CYTH4: variants seen among roughly 807,000 people sequenced by gnomAD.
CYTH4 encodes the protein cytohesin 4.
CYTH4 carries 22 observed loss-of-function variants against 57.5 expected under a neutral mutation model. That is an observed-to-expected ratio of 0.38 (90% CI 0.27 to 0.55). The LOEUF is 0.55. Among genes scored for constraint, CYTH4 ranks in the 20% least tolerant of loss-of-function variants. CYTH4 has a pLI of 0.74. For missense variants in CYTH4, 420 were observed against 535.6 expected (o/e 0.78, Z 2.13); for synonymous variants, 186 against 206.5 (o/e 0.90, Z 0.85).
intron 1 of CYTH4, among the ~76,000 whole-genome samples, chr22:37,289,285 C>T (rs1227985927): frequency 1.3e-5 from 2 of 152,214 alleles, no homozygotes; most frequent in Non-Finnish European, 2.9e-5. Context: ...CACCACTGCC[C>T]ATGATGCATG....
intron 9 of CYTH4, chr22:37,310,035 G>C (rs1419685521): frequency 1.1e-5 from 5 of 468,326 alleles, no homozygotes; most frequent in South Asian, 7.8e-5. Flanking sequence ...CAGGGCAGGT[G>C]AGGACAGATG....
At chr22:37,292,822 A>C in intron 2 of CYTH4, 119 bp downstream of exon 2, 1 of 967,096 alleles carries the variant, frequency 1.0e-6, no homozygotes, top group Non-Finnish European at 1.5e-6. Context: ...TCTGGCTCAT[A>C]TCAGCCTCGG....
intron 2 of CYTH4, among the ~76,000 whole-genome samples, chr22:37,293,387 A>G (rs11913123): frequency 0.027 from 3,708 of 137,300 alleles, 156 homozygotes; most frequent in African/African-American, 0.087. Context: ...CAATTACCCT[A>G]TGACCACCCA....
Position 37,292,677 on chromosome 22 carries a change from C to G in CYTH4, c.76C>G (p.Arg26Gly). The G allele has an allele frequency of 6.2e-7, 1 of 1,613,764 alleles. No individual in the cohort carries two copies. Among genetic ancestry groups the G allele is most frequent in the Non-Finnish European group, 8.5e-7 (1 of 1,179,928 alleles). Residue 26 changes from arginine (R) to glycine (G), a missense_variant, in exon 2 of 13, where the codon CGA (arginine) becomes GGA (glycine). Coordinates refer to ENST00000248901, the MANE Select transcript of CYTH4 (RefSeq NM_013385.5). ...AGAGTTACAGAGGATCAAGTGGCACCGAAAGCAGCTCCTGGAGGACATCCA... is the reference window on the plus strand; with the variant it reads ...AGAGTTACAGAGGATCAAGTGGCACGGAAAGCAGCTCCTGGAGGACATCCA... ...TEELQRIKWH[R>G]KQLLEDIQKL...
rs1475372806 is a variant in CYTH4 at position 37,313,771 on chromosome 22, G to C, written c.*260G>C. The C allele has an allele frequency of 2.0e-6, 1 of 492,502 alleles. No homozygotes were observed. The highest frequency in any genetic ancestry group is 3.6e-6 in the Non-Finnish European group (1 of 275,002). 30.5% of individuals were successfully genotyped at this position (492,502 alleles called of 1,614,324 possible). ...CCCTGCCCTACGTGCACTACAGGAA[G>C]GGGTGAGGAGAGCAGCCAGAGGAAA... On this transcript the variant is annotated 3_prime_UTR_variant, in exon 13 of 13. Transcript: ENST00000248901.
At chr22:37,304,099 G>C in intron 8 of CYTH4, 1 of 447,674 alleles carries the variant, frequency 2.2e-6, no homozygotes, top group Non-Finnish European at 4.5e-6. Context: ...GGCTGTCATT[G>C]CTCTGGGGGC....
At position 37,295,938 on chromosome 22, in the gene CYTH4, G is replaced by A. The variant is rs1928947186; in HGVS notation, c.168-61G>A. 1 of 1,550,256 alleles carries A rather than the reference G, an allele frequency of 6.5e-7. No homozygotes were observed. The highest frequency in any genetic ancestry group is 8.8e-7 in the Non-Finnish European group (1 of 1,136,072). On this transcript the variant is annotated intron_variant, in intron 3 of 12. Coordinates refer to ENST00000248901, the MANE Select transcript of CYTH4 (RefSeq NM_013385.5). This position sits in a 1 kb window ranked among gnomAD's most constrained non-coding sequence, Gnocchi z 4.1. ...CTCCTGCTGAGGCAAGGGTCCTTGG[G>A]GAGTGGAGAGGGTAATTCAGGGTCC...
chr22:37,287,376 C>A (rs931536853), intron 1 of CYTH4, among the ~76,000 whole-genome samples: 20 of 152,196 alleles, frequency 1.3e-4, no homozygotes, highest in African/African-American at 4.8e-4. Context: ...CTCAGACAAG[C>A]AGCCAGTCTG....
intron 1 of CYTH4, among the ~76,000 whole-genome samples, chr22:37,291,529 C>G (rs1928747203): frequency 6.6e-6 from 1 of 152,216 alleles, no homozygotes; most frequent in Non-Finnish European, 1.5e-5. Flanking sequence ...TCCCAGAGTA[C>G]AGGAGCGGCC....
rs1928886171 is a variant in CYTH4 at position 37,294,686 on chromosome 22, G to A, written c.129G>A (p.Val43=). The A allele has an allele frequency of 1.2e-6, 2 of 1,613,740 alleles. No homozygotes were observed. Among genetic ancestry groups the A allele is most frequent in the South Asian group, 2.2e-5 (2 of 91,084 alleles). The change falls in exon 3 of 13, where the codon GTG becomes GTA. Residue 43 remains valine (V), a synonymous_variant. Transcript: ENST00000248901. ...IQKLKDEIAD[V]FAQIDCFESA... is the part of the protein sequence containing the mutation. ...AGCTGAAGGATGAGATTGCAGATGT[G>A]TTTGCCCAAATCGACTGCTTCGAGA...
chr22:37,289,570 C>G lies in CYTH4; in HGVS notation c.20-3051C>G, dbSNP rs1014175453. Among the ~76,000 whole-genome samples the G allele has an allele frequency of 2.0e-5, 3 of 152,352 alleles. No individual in the cohort carries two copies. The East Asian group carries it at 5.8e-4, about 29-fold the overall frequency. On this transcript the variant is annotated intron_variant, in intron 1 of 12. Transcript: ENST00000248901. ...CACGGTGTAAGCAGAGGGATAGACC[C>G]TGGTCCACCAGCAGCGGTGACATGA...
chr22:37,282,679 G>T, intron 1 of CYTH4, 91 bp downstream of exon 1: 2 of 1,165,054 alleles, frequency 1.7e-6, no homozygotes, highest in South Asian at 3.0e-5. Flanking sequence ...CTAGATAAAG[G>T]AATACAGCGC....
intron 9 of CYTH4, chr22:37,310,108 T>C: frequency 2.3e-6 from 1 of 433,894 alleles, no homozygotes; most frequent in Non-Finnish European, 4.9e-6. Context: ...CTCCAGCACC[T>C]CCTGTCTACC....
intron 8 of CYTH4, among the ~76,000 whole-genome samples, chr22:37,304,640 G>A (rs1029160413): frequency 6.6e-6 from 1 of 152,118 alleles, no homozygotes; most frequent in Non-Finnish European, 1.5e-5. Context: ...GGTGCCCCTC[G>A]GTGTTTGAGA....
chr22:37,287,225 C>T (rs1199353822), intron 1 of CYTH4, among the ~76,000 whole-genome samples: 2 of 152,128 alleles, frequency 1.3e-5, no homozygotes, highest in Non-Finnish European at 2.9e-5. Context: ...ACCCTGAAGG[C>T]AGGTGGGAGC....
chr22:37,305,579 A>G (rs1050377125), intron 8 of CYTH4, among the ~76,000 whole-genome samples: 2 of 152,180 alleles, frequency 1.3e-5, no homozygotes, highest in African/African-American at 2.4e-5. Context: ...GAAGCTTCCC[A>G]GGTCAAAAAG....
intron 6 of CYTH4, chr22:37,300,304 T>A: frequency 2.8e-6 from 2 of 707,846 alleles, no homozygotes; most frequent in Non-Finnish European, 5.3e-6. Context: ...ATATTCATTC[T>A]TTCATTCATT....
At chr22:37,284,777 T>TC (rs1928487990) in intron 1 of CYTH4, among the ~76,000 whole-genome samples, 3 of 152,008 alleles carry the variant, frequency 2.0e-5, no homozygotes, top group African/African-American at 7.2e-5. Flanking sequence ...TCCCCTCCTC[T>TC]CCTGAGGTGG....
At chr22:37,291,095 T>C (rs1322626865) in intron 1 of CYTH4, among the ~76,000 whole-genome samples, 2 of 152,258 alleles carry the variant, frequency 1.3e-5, no homozygotes, top group African/African-American at 4.8e-5. Flanking sequence ...GCAAGGGTTA[T>C]GGTTCACATT....
Sources: gnomAD v4.1 joint callset for allele counts (sites outside exome capture counted in the v4.1 genomes callset) on GRCh38, gnomAD v4.1.1 for gene constraint, Gnocchi (gnomAD v3.1) non-coding constraint, MANE v1.5 for transcripts, NCBI Gene and HGNC (gene_info 2026-07-23, HGNC 2026-07-21) for gene names.